The following CDH6 variants were observed in gnomAD, a reference collection of about 807,000 sequenced individuals.
CDH6 encodes cadherin 6.
CDH6 carries 31 observed loss-of-function variants against 78.0 expected under a neutral mutation model. That is an observed-to-expected ratio of 0.40 (90% CI 0.30 to 0.54). CDH6 has a LOEUF of 0.54. Ranked by LOEUF, CDH6 falls within the 20% of genes least tolerant of loss-of-function variation. The pLI is 0.56. For missense variants in CDH6, 724 were observed against 975.9 expected (o/e 0.74, Z 3.44); for synonymous variants, 376 against 368.8 (o/e 1.02, Z -0.23).
At chr5:31,249,379 TC>T (rs1741847319) in intron 1 of CDH6, 1 of 152,216 alleles carries the variant, frequency 6.6e-6, no homozygotes, top group African/African-American at 2.4e-5. Flanking sequence ...TATATAATTT[TC>T]CCCTCACATG....
rs1050000352 is a variant in CDH6, at chr5:31,325,289, G to T, written c.*1981G>T. 3.5e-5 allele frequency: 8 copies of T among 228,180 alleles called. No homozygotes were observed. The highest frequency in any genetic ancestry group is 5.1e-5 in the Non-Finnish European group (6 of 116,638). 14.1% of individuals were successfully genotyped at this position (228,180 alleles called of 1,614,324 possible). A position where few individuals can be genotyped will look rare whatever the true frequency, so the allele number is the denominator to read the frequency against. The stretch of plus-strand genomic sequence containing the variant: ...GCTTGAGCTATTTCCTGCTTTCAGG[G>T]TTTCTTTTTTCTAGTTCTTCATACA... On this transcript the variant is annotated 3_prime_UTR_variant, in exon 12 of 12. Transcript: ENST00000265071.
intron 1 of CDH6, among the ~76,000 whole-genome samples, chr5:31,194,997 A>G (rs1241133105): frequency 6.6e-6 from 1 of 152,118 alleles, no homozygotes; most frequent in South Asian, 2.1e-4. Flanking sequence ...AGGGCTGGCC[A>G]CCTGAGTTAA....
chr5:31,254,999 C>A (rs1241554791), intron 1 of CDH6, among the ~76,000 whole-genome samples: 3 of 152,114 alleles, frequency 2.0e-5, no homozygotes, highest in African/African-American at 7.2e-5. Flanking sequence ...TCTTTCTACA[C>A]AAATGCTCTT....
At chr5:31,253,875 C>T (rs1020297734) in intron 1 of CDH6, among the ~76,000 whole-genome samples, 2 of 151,522 alleles carry the variant, frequency 1.3e-5, no homozygotes, top group African/African-American at 4.9e-5. Context: ...TATTGACTAA[C>T]TTTTCAGAAA....
At position 31,310,721 on chromosome 5, in the gene CDH6, T is replaced by C. The variant is rs939907207; in HGVS notation, c.1254-2597T>C. Among the ~76,000 whole-genome samples the C allele has an allele frequency of 2.6e-5, 4 of 152,156 alleles. No individual in the cohort carries two copies. In the East Asian group the frequency reaches 5.8e-4, roughly 22 times the overall value. On this transcript the variant is annotated intron_variant, in intron 7 of 11. Coordinates refer to ENST00000265071, the MANE Select transcript of CDH6 (RefSeq NM_004932.4). ...CTGCACAGCTTCAGGCCCAACACCA[T>C]GTAGATGCCACCAAGCCTTGGGTCT...
intron 7 of CDH6, among the ~76,000 whole-genome samples, chr5:31,306,284 A>C (rs148845073): frequency 1.2e-4 from 18 of 152,316 alleles, no homozygotes; most frequent in Non-Finnish European, 1.6e-4. Context: ...AATACAACAG[A>C]GTCCAAATGT....
At chr5:31,231,356 T>G (rs190836262) in intron 1 of CDH6, among the ~76,000 whole-genome samples, 1 of 152,346 alleles carries the variant, frequency 6.6e-6, no homozygotes, top group Admixed American at 6.5e-5. Flanking sequence ...CAGATTACTG[T>G]TTGGCGGGGT....
intron 1 of CDH6, among the ~76,000 whole-genome samples, chr5:31,203,836 A>T (rs1740438941): frequency 6.6e-6 from 1 of 151,686 alleles, no homozygotes; most frequent in Admixed American, 6.6e-5. Context: ...GACTTCCACA[A>T]TGGTTGAACT....
chr5:31,213,090 A>G (rs897032313), intron 1 of CDH6, among the ~76,000 whole-genome samples: 1 of 152,208 alleles, frequency 6.6e-6, no homozygotes, highest in Non-Finnish European at 1.5e-5. Flanking sequence ...ATTCTCAAAA[A>G]ATATGTGGTA....
intron 2 of CDH6, among the ~76,000 whole-genome samples, chr5:31,280,448 C>G (rs1268746362): frequency 2.6e-5 from 4 of 152,150 alleles, no homozygotes; most frequent in Non-Finnish European, 4.4e-5. Flanking sequence ...TAAGCAAACA[C>G]AAGCTCAGAG....
chr5:31,308,509 G>C (rs192514817), intron 7 of CDH6, among the ~76,000 whole-genome samples: 188 of 150,638 alleles, frequency 1.2e-3, no homozygotes, highest in African/African-American at 3.9e-3. Flanking sequence ...TCTTATCAGT[G>C]ATAATTACAA....
chr5:31,205,420 AC>A (rs1204088309), intron 1 of CDH6, among the ~76,000 whole-genome samples: 2 of 152,256 alleles, frequency 1.3e-5, no homozygotes, highest in East Asian at 3.9e-4. Context: ...ACCAGCCCTC[AC>A]CTTCCTCCAG....
intron 1 of CDH6, among the ~76,000 whole-genome samples, chr5:31,245,076 C>A (rs1741705588): frequency 6.6e-6 from 1 of 152,194 alleles, no homozygotes; most frequent in African/African-American, 2.4e-5. Flanking sequence ...AACAGAAGAA[C>A]CACATCTCTT....
chr5:31,317,532 T>C, intron 10 of CDH6, 40 bp downstream of exon 10: 3 of 1,517,776 alleles, frequency 2.0e-6, no homozygotes, highest in Non-Finnish European at 2.7e-6. Flanking sequence ...TATCTCCATC[T>C]ATATCCGTAA....
At chr5:31,226,700 A>G (rs1384083124) in intron 1 of CDH6, among the ~76,000 whole-genome samples, 2 of 152,146 alleles carry the variant, frequency 1.3e-5, no homozygotes, top group Non-Finnish European at 2.9e-5. Flanking sequence ...CGAGAAGAAA[A>G]CGGTCAGTTC....
At chr5:31,228,735 A>G (rs1741233402) in intron 1 of CDH6, among the ~76,000 whole-genome samples, 2 of 152,142 alleles carry the variant, frequency 1.3e-5, no homozygotes, top group Admixed American at 1.3e-4. Context: ...TCGCCCTCCT[A>G]TGAGAATCTA....
chr5:31,234,110 A>G (rs1741389882), intron 1 of CDH6, among the ~76,000 whole-genome samples: 1 of 152,336 alleles, frequency 6.6e-6, no homozygotes, highest in Non-Finnish European at 1.5e-5. Context: ...CTAAGTATCA[A>G]ATTTTAAAGT....
At chr5:31,233,528 A>AAAAAAC (rs1214264070) in intron 1 of CDH6, among the ~76,000 whole-genome samples, 2 of 151,942 alleles carry the variant, frequency 1.3e-5, no homozygotes, top group African/African-American at 4.8e-5. Context: ...AAAAAAAAAC[A>AAAAAAC]AAACAAAAAC....
At chr5:31,267,796 T>A in intron 2 of CDH6, 95 bp downstream of exon 2, 1 of 911,756 alleles carries the variant, frequency 1.1e-6, no homozygotes, top group Non-Finnish European at 1.7e-6. Flanking sequence ...TATTCCCCAA[T>A]ATAGTAAGAA....
Sources: allele counts gnomAD v4.1 joint callset (sites outside exome capture counted in the v4.1 genomes callset), GRCh38; gene constraint gnomAD v4.1.1; transcripts MANE v1.5; gene names NCBI Gene and HGNC (gene_info 2026-07-23, HGNC 2026-07-21).